The following SRPK2 variants were observed in gnomAD, a reference collection of about 807,000 sequenced individuals.
SRPK2 encodes the protein SFRS protein kinase 2.
In SRPK2, 21 loss-of-function variants were observed where a neutral mutation model predicts 90.8. The ratio of observed to expected loss-of-function variants is 0.23; its 90% CI spans 0.16 to 0.33. The LOEUF (loss-of-function observed/expected upper bound fraction) is 0.33. Among genes scored for constraint, SRPK2 ranks in the 10% least tolerant of loss-of-function variants. The pLI, the probability that SRPK2 is intolerant of heterozygous loss-of-function variation, is 1.00. For synonymous variants in SRPK2, 288 were observed against 311.1 expected (o/e 0.93, Z 0.78); for missense variants, 620 against 869.0 (o/e 0.71, Z 3.60).
intron 2 of SRPK2, among the ~76,000 whole-genome samples, chr7:105,288,609 A>C (rs1808501650): frequency 1.3e-5 from 2 of 151,704 alleles, no homozygotes; most frequent in Admixed American, 1.3e-4. Context: ...TCAAATAAAC[A>C]ACAACAAAAA....
At chr7:105,266,874 T>G (rs1308154744) in intron 2 of SRPK2, among the ~76,000 whole-genome samples, 2 of 152,198 alleles carry the variant, frequency 1.3e-5, no homozygotes, top group Non-Finnish European at 2.9e-5. Context: ...CCATATGACT[T>G]TTAATAAAAA....
At chr7:105,190,329 C>T (rs1436342978) in intron 3 of SRPK2, among the ~76,000 whole-genome samples, 1 of 152,188 alleles carries the variant, frequency 6.6e-6, no homozygotes, top group African/African-American at 2.4e-5. Context: ...AATAACACCA[C>T]GGCTGCCATC....
chr7:105,374,206 C>T (rs532114622), intron 2 of SRPK2, among the ~76,000 whole-genome samples: 2 of 151,954 alleles, frequency 1.3e-5, no homozygotes, highest in Admixed American at 6.6e-5. Flanking sequence ...GGATTACAGG[C>T]ATGAGCCACC....
Position 105,117,766 on chromosome 7 carries a change from A to G in SRPK2, c.*72T>C. ...AGCTCACTTGTAATCCTGTTAAAGA[A>G]TGAGAGTCACCGTTTAGGTCCAATG... On this transcript the variant is annotated 3_prime_UTR_variant, in exon 16 of 16. Transcript: ENST00000393651. 1 of 1,506,852 alleles carries G rather than the reference A, an allele frequency of 6.6e-7. No individual in the cohort carries two copies. The highest frequency in any genetic ancestry group is 9.2e-7 in the Non-Finnish European group (1 of 1,092,544). The allele number at this position is 1,506,852 out of a possible 1,614,324, so 93.3% of individuals were successfully genotyped here. A position where few individuals can be genotyped will look rare whatever the true frequency, so the allele number is the denominator to read the frequency against.
intron 2 of SRPK2, among the ~76,000 whole-genome samples, chr7:105,306,991 T>C (rs1208841681): frequency 6.6e-6 from 1 of 152,158 alleles, no homozygotes; most frequent in African/African-American, 2.4e-5. Context: ...ATTTTATAAC[T>C]CTGGTGAAGA....
chr7:105,297,719 T>C (rs1433768523), intron 2 of SRPK2, among the ~76,000 whole-genome samples: 2 of 151,030 alleles, frequency 1.3e-5, no homozygotes, highest in Non-Finnish European at 2.9e-5. Context: ...TTTATTTTCA[T>C]CTTTAATTAA....
chr7:105,225,333 T>G (rs1476241583), intron 2 of SRPK2, among the ~76,000 whole-genome samples: 2 of 152,240 alleles, frequency 1.3e-5, no homozygotes, highest in Non-Finnish European at 2.9e-5. Flanking sequence ...ATTGGGAGAA[T>G]CATTATGGTT....
rs556249453 is a variant in SRPK2 at position 105,161,653 on chromosome 7, A to G, written c.515-1040T>C. ...AGACTGAAACCTCCTAGGAACTGAC[A>G]TGAAACAAATACAGAGCTCCAGTAT... is the stretch of plus-strand genomic sequence containing the variant. On this transcript the variant is annotated intron_variant, in intron 6 of 15. Transcript: ENST00000393651. Among the ~76,000 whole-genome samples the G allele has an allele frequency of 4.2e-4, 64 of 152,334 alleles. No homozygotes were observed. In the South Asian group the frequency reaches 6.2e-3, roughly 15 times the overall value.
At chr7:105,328,731 G>T (rs564982799) in intron 2 of SRPK2, among the ~76,000 whole-genome samples, 1 of 151,610 alleles carries the variant, frequency 6.6e-6, no homozygotes, top group Non-Finnish European at 1.5e-5. Context: ...CGGGCATAGC[G>T]GCAGGCACCT....
intron 2 of SRPK2, among the ~76,000 whole-genome samples, chr7:105,354,870 C>T (rs1476848803): frequency 6.6e-6 from 1 of 152,144 alleles, no homozygotes; most frequent in African/African-American, 2.4e-5. Context: ...AAAAGAAACA[C>T]ATACCCATCA....
chr7:105,327,334 T>C (rs1813710894), intron 2 of SRPK2, among the ~76,000 whole-genome samples: 1 of 152,252 alleles, frequency 6.6e-6, no homozygotes, highest in South Asian at 2.1e-4. Flanking sequence ...CTCATTTGTT[T>C]ATCTATGGTC....
At chr7:105,293,026 T>C (rs915667885) in intron 2 of SRPK2, among the ~76,000 whole-genome samples, 1 of 151,942 alleles carries the variant, frequency 6.6e-6, no homozygotes, top group African/African-American at 2.4e-5. Context: ...CTCACGCCTG[T>C]AATCCCAACA....
chr7:105,345,657 T>C (rs910424608), intron 2 of SRPK2, among the ~76,000 whole-genome samples: 1 of 152,216 alleles, frequency 6.6e-6, no homozygotes, highest in Non-Finnish European at 1.5e-5. Flanking sequence ...TATATATTCA[T>C]TCATATTTAT....
chr7:105,197,165 T>G (rs1244126755), intron 3 of SRPK2, among the ~76,000 whole-genome samples: 1 of 152,140 alleles, frequency 6.6e-6, no homozygotes, highest in African/African-American at 2.4e-5. Flanking sequence ...CAGTAAATTT[T>G]GTGAGTTATT....
intron 2 of SRPK2, among the ~76,000 whole-genome samples, chr7:105,374,475 T>G (rs1820062999): frequency 6.6e-6 from 1 of 152,178 alleles, no homozygotes; most frequent in South Asian, 2.1e-4. Context: ...TACAAAGATA[T>G]TCACTGAAGT....
At chr7:105,390,607 G>GTTTTTTTTTTTTTTTT (rs869259356), upstream of SRPK2, among the ~76,000 whole-genome samples, 1 of 108,996 alleles carries the variant, frequency 9.2e-6, no homozygotes, top group Non-Finnish European at 1.8e-5. Flanking sequence ...TTTTGTTTTT[G>GTTTTTTTTTTTTTTTT]TTTTTTTTTT....
intron 2 of SRPK2, among the ~76,000 whole-genome samples, chr7:105,210,445 ATAG>A (rs1454045407): frequency 1.3e-5 from 2 of 152,228 alleles, no homozygotes; most frequent in Non-Finnish European, 2.9e-5. Context: ...TTTCTAATTA[ATAG>A]TAGAATCGGT....
At chr7:105,255,993 C>T (rs1360604998) in intron 2 of SRPK2, among the ~76,000 whole-genome samples, 1 of 150,846 alleles carries the variant, frequency 6.6e-6, no homozygotes, top group Non-Finnish European at 1.5e-5. Context: ...CTTCCTATTA[C>T]ATACAGTTAA....
At chr7:105,289,227 T>C (rs1190120130) in intron 2 of SRPK2, among the ~76,000 whole-genome samples, 1 of 150,906 alleles carries the variant, frequency 6.6e-6, no homozygotes, top group Non-Finnish European at 1.5e-5. Context: ...TGAGCCGAGA[T>C]GGCGCCACTG....
Sources: allele counts gnomAD v4.1 joint callset (sites outside exome capture counted in the v4.1 genomes callset), GRCh38; gene constraint gnomAD v4.1.1; transcripts MANE v1.5; gene names NCBI Gene and HGNC (gene_info 2026-07-23, HGNC 2026-07-21).